TG: variants seen among roughly 807,000 people sequenced by gnomAD.
TG encodes thyroglobulin, also known as thyroid hormones.
In TG, 270 loss-of-function variants were observed where a neutral mutation model predicts 324.7. That is an observed-to-expected ratio of 0.83 (90% CI 0.75 to 0.92). The LOEUF (loss-of-function observed/expected upper bound fraction) is 0.92, where lower values mean the gene tolerates loss of function less well. Among genes scored for constraint, TG ranks in the 40% least tolerant of loss-of-function variants. TG has a pLI of 0.00. For synonymous variants in TG, 1,401 were observed against 1,327.0 expected, an observed-to-expected ratio of 1.06 and a Z score of -1.21; for missense variants, 3,591 against 3,456.4, an observed-to-expected ratio of 1.04 and a Z score of -0.98.
At chr8:133,134,591 G>A (rs1852209685) in intron 47 of TG, 85 bp from the exon 48 acceptor site, 2 of 1,234,260 alleles carry the variant, frequency 1.6e-6, no homozygotes, top group Non-Finnish European at 1.2e-6. Flanking sequence ...CTGGAGGCTG[G>A]GGTCTCTTTG....
At chr8:132,945,124 G>A (rs1347925470) in intron 26 of TG, among the ~76,000 whole-genome samples, 1 of 152,226 alleles carries the variant, frequency 6.6e-6, no homozygotes, top group Non-Finnish European at 1.5e-5. Flanking sequence ...TTTGAACTTT[G>A]ACGTGAGCGC....
At chr8:133,013,108 G>A (rs1456091569) in intron 36 of TG, among the ~76,000 whole-genome samples, 1 of 152,210 alleles carries the variant, frequency 6.6e-6, no homozygotes, top group African/African-American at 2.4e-5. Flanking sequence ...GAAATAACAA[G>A]AGCACATTTA....
At chr8:132,896,283 C>T (rs1436281140) in intron 11 of TG, among the ~76,000 whole-genome samples, 1 of 152,338 alleles carries the variant, frequency 6.6e-6, no homozygotes, top group Non-Finnish European at 1.5e-5. Context: ...AGAAGGAGGC[C>T]TGGCAGACTC....
At chr8:133,119,547 G>A (rs1850974021) in intron 45 of TG, among the ~76,000 whole-genome samples, 1 of 152,118 alleles carries the variant, frequency 6.6e-6, no homozygotes, top group Non-Finnish European at 1.5e-5. Flanking sequence ...TTCTCTCATG[G>A]CAAAGGGGAC....
intron 4 of TG, among the ~76,000 whole-genome samples, chr8:132,872,705 ATTC>A (rs1839609822): frequency 6.6e-6 from 1 of 152,090 alleles, no homozygotes; most frequent in Non-Finnish European, 1.5e-5. Flanking sequence ...CAGGTGTACT[ATTC>A]TTTATCTTTT....
chr8:132,967,756 C>T (rs1008644567), intron 30 of TG, 38 bp from the exon 31 acceptor site: 3 of 1,611,410 alleles, frequency 1.9e-6, no homozygotes, highest in East Asian at 2.2e-5. Context: ...CCTGTAGACC[C>T]CACAAAAACT....
intron 41 of TG, among the ~76,000 whole-genome samples, chr8:133,091,969 G>T (rs1053373557): frequency 6.6e-6 from 1 of 152,004 alleles, no homozygotes; most frequent in Non-Finnish European, 1.5e-5. Context: ...GTCTGTGCAC[G>T]TAAGCATATG....
intron 24 of TG, among the ~76,000 whole-genome samples, 186 bp downstream of exon 24, chr8:132,933,862 C>A (rs1056189371): frequency 6.6e-6 from 1 of 152,088 alleles, no homozygotes; most frequent in African/African-American, 2.4e-5. Flanking sequence ...CAGAGACAGA[C>A]CCAAGATGAA....
At chr8:132,902,319 A>C (rs1162297585) in intron 16 of TG, among the ~76,000 whole-genome samples, 2 of 152,176 alleles carry the variant, frequency 1.3e-5, no homozygotes, top group East Asian at 3.9e-4. Flanking sequence ...ATCTCTAAGC[A>C]ACATTTTGGA....
chr8:132,903,861 A>G (rs571436874), intron 16 of TG, among the ~76,000 whole-genome samples: 20 of 152,362 alleles, frequency 1.3e-4, no homozygotes, highest in African/African-American at 4.6e-4. Flanking sequence ...AGAAAGGAGA[A>G]TAGTAGCTAT....
At chr8:132,885,450 A>G (rs1815269515) in intron 8 of TG, among the ~76,000 whole-genome samples, 1 of 151,664 alleles carries the variant, frequency 6.6e-6, no homozygotes, top group Admixed American at 6.6e-5. Flanking sequence ...ATATTATAAT[A>G]TATATTACAA....
intron 7 of TG, 82 bp from the exon 8 acceptor site, chr8:132,882,732 G>A (rs1814825743): frequency 8.7e-6 from 14 of 1,612,054 alleles, no homozygotes; most frequent in South Asian, 3.3e-5. Flanking sequence ...GAAAAGAATC[G>A]TTAAGAGCAA....
intron 43 of TG, chr8:133,106,445 C>A: frequency 1.0e-6 from 1 of 985,376 alleles, no homozygotes; most frequent in Non-Finnish European, 1.2e-6. Context: ...AAGCTCTTCT[C>A]CCAGGTCCCG....
At chr8:133,132,356 G>A (rs561470316) in intron 46 of TG, among the ~76,000 whole-genome samples, 14 of 152,306 alleles carry the variant, frequency 9.2e-5, no homozygotes, top group African/African-American at 3.1e-4. Flanking sequence ...AATGTCCCCT[G>A]GAGGGAAAAC....
intron 16 of TG, among the ~76,000 whole-genome samples, chr8:132,904,352 C>A (rs942268251): frequency 1.3e-5 from 2 of 152,218 alleles, no homozygotes; most frequent in African/African-American, 4.8e-5. Flanking sequence ...CTCCCTTGAG[C>A]CTCTGTTTTC....
At chr8:132,882,200 G>A (rs548700617) in intron 6 of TG, among the ~76,000 whole-genome samples, 2 of 152,346 alleles carry the variant, frequency 1.3e-5, no homozygotes, top group African/African-American at 2.4e-5. Context: ...GAAGTGCCCC[G>A]CTCTGGGCAG....
At chr8:133,089,494 C>T (rs746640071) in intron 41 of TG, among the ~76,000 whole-genome samples, 31 of 152,180 alleles carry the variant, frequency 2.0e-4, no homozygotes, top group Non-Finnish European at 1.8e-4. Flanking sequence ...CCTCATTGCC[C>T]GTTGCCTAAA....
chr8:133,098,379 A>G (rs1272712805), intron 43 of TG, among the ~76,000 whole-genome samples: 3 of 152,246 alleles, frequency 2.0e-5, no homozygotes, highest in African/African-American at 7.2e-5. Context: ...TGGAAGTTCT[A>G]GTCTTAGTAT....
intron 41 of TG, among the ~76,000 whole-genome samples, chr8:133,068,917 T>A (rs2131403972): frequency 6.6e-6 from 1 of 152,388 alleles, no homozygotes. Flanking sequence ...AAAACCAGGC[T>A]ATAAATGGGG....
Sources: gnomAD v4.1 joint callset for allele counts (sites outside exome capture counted in the v4.1 genomes callset) on GRCh38, gnomAD v4.1.1 for gene constraint, MANE v1.5 for transcripts, NCBI Gene and HGNC (gene_info 2026-07-23, HGNC 2026-07-21) for gene names.